Variants in PCDH9 observed in about 807,000 individuals in gnomAD.
PCDH9 encodes protocadherin-9.
A neutral mutation model predicts 70.6 loss-of-function variants in PCDH9; 24 were observed. The observed-to-expected ratio is 0.34, with a 90% confidence interval of 0.25 to 0.48. PCDH9 has a LOEUF of 0.48. Among genes scored for constraint, PCDH9 ranks in the 20% least tolerant of loss-of-function variants. PCDH9 has a pLI of 0.99. For synonymous variants in PCDH9, 562 were observed against 558.5 expected, an observed-to-expected ratio of 1.01 and a Z score of -0.09; for missense variants, 1,281 against 1,503.6, an observed-to-expected ratio of 0.85 and a Z score of 2.45.
chr13:66,388,563 A>G (rs968259464), intron 4 of PCDH9, among the ~76,000 whole-genome samples: 32 of 152,154 alleles, frequency 2.1e-4, no homozygotes, highest in Non-Finnish European at 3.8e-4. Context: ...TATAGTTTAC[A>G]GTTAAAAATT....
chr13:66,991,792 T>C (rs1372161611), intron 2 of PCDH9, among the ~76,000 whole-genome samples: 2 of 152,050 alleles, frequency 1.3e-5, no homozygotes, highest in East Asian at 1.9e-4. Context: ...TGGAAAATAA[T>C]AGTGTTTCAA....
intron 2 of PCDH9, among the ~76,000 whole-genome samples, chr13:67,129,400 G>A (rs2087054804): frequency 6.6e-6 from 1 of 151,798 alleles, no homozygotes; most frequent in Admixed American, 6.6e-5. Flanking sequence ...AAAAATACGT[G>A]TGTGTGTGTT....
chr13:67,225,758 C>A lies in PCDH9; in HGVS notation c.2683G>T (p.Ala895Ser). 1 of 1,614,056 alleles carries A rather than the reference C, an allele frequency of 6.2e-7. No individual in the cohort carries two copies. The highest frequency in any genetic ancestry group is 8.5e-7 in the Non-Finnish European group (1 of 1,179,910). ...GTCCCATTGATAGGTTCATGAACTG[C>A]ATCATCGGGTTTGGACTCTTCGATA... The part of the protein sequence containing the change: ...VTIEESKPDD[A>S]VHEPINGTIS... Residue 895 changes from alanine to serine, a missense_variant, in exon 2 of 5, where the codon GCA (alanine) becomes TCA (serine). Physicochemically the swap from Ala to Ser is moderately conservative, Grantham distance 99 (BLOSUM62 1). Coordinates refer to ENST00000377865, the MANE Select transcript of PCDH9 (RefSeq NM_203487.3).
chr13:66,372,456 A>C (rs1328026455), intron 4 of PCDH9, among the ~76,000 whole-genome samples: 1 of 151,776 alleles, frequency 6.6e-6, no homozygotes, highest in Non-Finnish European at 1.5e-5. Context: ...CAGAAAGTAA[A>C]AAGTGAAGGA....
intron 3 of PCDH9, among the ~76,000 whole-genome samples, chr13:66,875,985 G>T (rs567445225): frequency 6.6e-6 from 1 of 152,206 alleles, no homozygotes; most frequent in East Asian, 1.9e-4. Context: ...CGTTGAGTTT[G>T]GACTTTAAAT....
intron 4 of PCDH9, among the ~76,000 whole-genome samples, chr13:66,554,565 T>C (rs1296080215): frequency 6.6e-6 from 1 of 152,092 alleles, no homozygotes; most frequent in African/African-American, 2.4e-5. Context: ...ATATGTAGTT[T>C]ATACTTTTAA....
At chr13:66,942,311 A>G (rs1376728956) in intron 2 of PCDH9, among the ~76,000 whole-genome samples, 1 of 151,950 alleles carries the variant, frequency 6.6e-6, no homozygotes, top group Non-Finnish European at 1.5e-5. Context: ...GAAATGATAT[A>G]GATCATAAAT....
chr13:67,120,579 C>A (rs1186718369), intron 2 of PCDH9, among the ~76,000 whole-genome samples: 1 of 152,084 alleles, frequency 6.6e-6, no homozygotes, highest in East Asian at 1.9e-4. Flanking sequence ...AGCTGTTCCC[C>A]TTCACAACAA....
At chr13:66,680,462 T>G (rs1223182092) in intron 3 of PCDH9, among the ~76,000 whole-genome samples, 1 of 152,014 alleles carries the variant, frequency 6.6e-6, no homozygotes, top group African/African-American at 2.4e-5. Context: ...GTATATTTAA[T>G]TCTTTTTAGT....
chr13:67,128,118 G>C (rs1356571039), intron 2 of PCDH9, among the ~76,000 whole-genome samples: 1 of 152,128 alleles, frequency 6.6e-6, no homozygotes, highest in Non-Finnish European at 1.5e-5. Flanking sequence ...AACACAGCCT[G>C]AGTTCCCAAG....
At chr13:66,721,163 C>T (rs1397582038) in intron 3 of PCDH9, among the ~76,000 whole-genome samples, 1 of 152,138 alleles carries the variant, frequency 6.6e-6, no homozygotes, top group East Asian at 1.9e-4. Flanking sequence ...TGTTGTTGTA[C>T]AGGCTGTGCT....
chr13:67,023,468 C>T (rs1165501153), intron 2 of PCDH9, among the ~76,000 whole-genome samples: 2 of 152,108 alleles, frequency 1.3e-5, no homozygotes, highest in African/African-American at 4.8e-5. Context: ...AAAATAAAGA[C>T]ATTTTGAAGT....
At chr13:67,097,379 T>G (rs1472638276) in intron 2 of PCDH9, among the ~76,000 whole-genome samples, 1 of 152,198 alleles carries the variant, frequency 6.6e-6, no homozygotes, top group African/African-American at 2.4e-5. Flanking sequence ...AATTTAAGAA[T>G]TTTATCTGCA....
intron 2 of PCDH9, among the ~76,000 whole-genome samples, chr13:67,120,187 A>AAATAATAATAATAATAATAAT (rs149316252): frequency 5.9e-4 from 85 of 143,740 alleles, no homozygotes; most frequent in East Asian, 1.4e-3. Flanking sequence ...CTCATGCATT[A>AAATAATAATAATAATAATAAT]AATAATAATA....
chr13:66,536,673 T>TG (rs1480068807), intron 4 of PCDH9, among the ~76,000 whole-genome samples: 1 of 152,146 alleles, frequency 6.6e-6, no homozygotes, highest in African/African-American at 2.4e-5. Flanking sequence ...AATGAATAGA[T>TG]ATAGCTTCTG....
At chr13:66,875,162 T>G (rs1438030242) in intron 3 of PCDH9, among the ~76,000 whole-genome samples, 1 of 152,154 alleles carries the variant, frequency 6.6e-6, no homozygotes, top group African/African-American at 2.4e-5. Flanking sequence ...TTATAAAACT[T>G]TTTCAAATAT....
At chr13:67,066,127 GTTGT>G (rs1477600023) in intron 2 of PCDH9, among the ~76,000 whole-genome samples, 3 of 151,974 alleles carry the variant, frequency 2.0e-5, no homozygotes, top group African/African-American at 7.3e-5. Context: ...AGAGTTCAGG[GTTGT>G]TTCTCATAGT....
intron 4 of PCDH9, among the ~76,000 whole-genome samples, chr13:66,391,873 G>A (rs1005852432): frequency 8.2e-5 from 7 of 85,436 alleles, no homozygotes; most frequent in Non-Finnish European, 1.1e-4. Flanking sequence ...CTCTCTCTTT[G>A]CCATATATGC....
chr13:66,595,535 A>C (rs901029311), intron 4 of PCDH9, among the ~76,000 whole-genome samples: 3 of 151,648 alleles, frequency 2.0e-5, no homozygotes, highest in African/African-American at 7.3e-5. Flanking sequence ...CATGAGCATC[A>C]CATTCTAATT....
Sources: gnomAD v4.1 joint callset for allele counts (sites outside exome capture counted in the v4.1 genomes callset) on GRCh38, gnomAD v4.1.1 for gene constraint, MANE v1.5 for transcripts, NCBI Gene and HGNC (gene_info 2026-07-23, HGNC 2026-07-21) for gene names.